NCAM2: variants seen among roughly 807,000 people sequenced by gnomAD.
NCAM2 encodes N-CAM-2.
Under a neutral mutation model 98.1 loss-of-function variants are expected in NCAM2, and 30 were observed. The ratio of observed to expected loss-of-function variants is 0.31; its 90% CI spans 0.23 to 0.41. The LOEUF is 0.41. Among genes scored for constraint, NCAM2 ranks in the 10% least tolerant of loss-of-function variants. The pLI is 1.00. For missense variants in NCAM2, 867 were observed against 1,005.8 expected, an observed-to-expected ratio of 0.86 and a Z score of 1.87; for synonymous variants, 368 against 342.4, an observed-to-expected ratio of 1.07 and a Z score of -0.83.
In NCAM2 at chr21:21,243,423, G is replaced by A. The variant is rs558985813; in HGVS notation, c.56-37155G>A. On this transcript the variant is annotated intron_variant, in intron 1 of 17. Coordinates refer to ENST00000400546, the MANE Select transcript of NCAM2 (RefSeq NM_004540.5). ...AGTTATTACTGATTGAAATGTGTTT[G>A]GTGCTATATTACCCTTTTTGGGGTT... Among the ~76,000 whole-genome samples the A allele has an allele frequency of 8.9e-4, 136 of 152,240 alleles. 1 individual carries two copies. Among genetic ancestry groups the A allele is most frequent in the Non-Finnish European group, 1.6e-3 (111 of 68,020 alleles).
At chr21:21,494,775 TATG>T (rs1438019115) in intron 15 of NCAM2, among the ~76,000 whole-genome samples, 6 of 152,040 alleles carry the variant, frequency 3.9e-5, no homozygotes, top group African/African-American at 1.4e-4. Flanking sequence ...TCAGATATTT[TATG>T]ATTTTTCATG....
chr21:21,001,552 T>C (rs1316490023), intron 1 of NCAM2, among the ~76,000 whole-genome samples: 1 of 152,218 alleles, frequency 6.6e-6, no homozygotes, highest in Non-Finnish European at 1.5e-5. Context: ...GATCTTTGTA[T>C]ATTCAAATTT....
At chr21:21,533,893 A>G (rs967554950) in intron 16 of NCAM2, among the ~76,000 whole-genome samples, 4 of 152,000 alleles carry the variant, frequency 2.6e-5, no homozygotes, top group African/African-American at 7.2e-5. Context: ...GGATGAAGTT[A>G]TAAATGAAAA....
At chr21:21,147,341 C>A in intron 1 of NCAM2, 1 of 942,122 alleles carries the variant, frequency 1.1e-6, no homozygotes. Flanking sequence ...AAAGAAGGGG[C>A]TAGAATCAGT....
At chr21:21,187,440 TCAA>T (rs201062405) in intron 1 of NCAM2, among the ~76,000 whole-genome samples, 5 of 151,090 alleles carry the variant, frequency 3.3e-5, no homozygotes, top group African/African-American at 1.2e-4. Flanking sequence ...TACTTCTCCA[TCAA>T]CAACAACAAC....
intron 5 of NCAM2, among the ~76,000 whole-genome samples, chr21:21,298,468 T>C (rs1395406036): frequency 6.6e-6 from 1 of 151,702 alleles, no homozygotes; most frequent in Non-Finnish European, 1.5e-5. Context: ...TTTTATTAAA[T>C]TTCAAGAATA....
At chr21:21,323,597 C>T (rs1400983906) in intron 5 of NCAM2, among the ~76,000 whole-genome samples, 2 of 152,064 alleles carry the variant, frequency 1.3e-5, no homozygotes, top group African/African-American at 4.8e-5. Context: ...TGAAATTTAG[C>T]TTCTATTGTG....
chr21:21,501,769 G>A (rs1987652995), intron 15 of NCAM2, among the ~76,000 whole-genome samples: 2 of 152,006 alleles, frequency 1.3e-5, no homozygotes, highest in South Asian at 4.2e-4. Flanking sequence ...ATCAAAACAA[G>A]ACTAATTGAC....
rs182066948 is a variant in NCAM2 at position 21,527,396 on chromosome 21, C to T, written c.2283-7141C>T. The stretch of plus-strand genomic sequence containing the variant: ...TTAAAAATTTATGCTCTGCAAAAGA[C>T]ATTGTTAAGTGAATGAAAAGACGAA... On this transcript the variant is annotated intron_variant, in intron 16 of 17. Transcript: ENST00000400546. 8.0e-3 allele frequency among the ~76,000 whole-genome samples: 1,212 copies of T among 152,114 alleles called. 3 individuals carry two copies. The highest frequency in any genetic ancestry group is 0.013 in the Non-Finnish European group (887 of 67,980).
chr21:21,200,467 C>G (rs1213422304), intron 1 of NCAM2, among the ~76,000 whole-genome samples: 1 of 150,018 alleles, frequency 6.7e-6, no homozygotes, highest in Non-Finnish European at 1.5e-5. Context: ...GTTTTACTAG[C>G]TGTTACTTTT....
At position 21,532,941 on chromosome 21, in the gene NCAM2, A is replaced by G. The variant is rs562899012; in HGVS notation, c.2283-1596A>G. 5.9e-5 allele frequency among the ~76,000 whole-genome samples: 9 copies of G among 152,166 alleles called. No homozygotes were observed. In the East Asian group the frequency reaches 1.4e-3, roughly 23 times the overall value. On this transcript the variant is annotated intron_variant, in intron 16 of 17. Coordinates refer to ENST00000400546, the MANE Select transcript of NCAM2 (RefSeq NM_004540.5). ...TACAGACATCTGATTTTCAGAGCTA[A>G]AAAAGTTTATTCACTTCTAGATTTC... is the stretch of plus-strand genomic sequence containing the variant.
intron 1 of NCAM2, among the ~76,000 whole-genome samples, chr21:21,039,656 A>C (rs1289337060): frequency 6.6e-6 from 1 of 152,210 alleles, no homozygotes. Flanking sequence ...TTAATATTTA[A>C]ATAATCATTT....
At chr21:21,484,308 CTTTG>C (rs1224214090) in intron 15 of NCAM2, among the ~76,000 whole-genome samples, 9 of 152,036 alleles carry the variant, frequency 5.9e-5, no homozygotes, top group Non-Finnish European at 1.3e-4. Flanking sequence ...TTGTTAATGA[CTTTG>C]TGTAAATCTT....
Position 21,338,541 on chromosome 21 carries a change from A to G in NCAM2, c.1044+7A>G, listed in dbSNP as rs749415946. The G allele has an allele frequency of 1.3e-6, 2 of 1,594,444 alleles. No homozygotes were observed. The highest frequency in any genetic ancestry group is 1.7e-6 in the Non-Finnish European group (2 of 1,172,556). On this transcript the variant is annotated splice_region_variant and intron_variant, in intron 8 of 17. Transcript: ENST00000400546. ...GTTCACTGAAGGCGATAAGGTAACC[A>G]CATCTCAATATGTAATGGTTTCCAT...
chr21:21,050,536 G>A lies in NCAM2; in HGVS notation c.55+51918G>A, dbSNP rs890470619. On this transcript the variant is annotated intron_variant, in intron 1 of 17. Coordinates refer to ENST00000400546, the MANE Select transcript of NCAM2 (RefSeq NM_004540.5). ...AGTGATGCCAACCCTACTTAGCCTA[G>A]CACTTCAGTTTTAGATGTGTATCAT... is the stretch of plus-strand genomic sequence containing the variant. 2.6e-5 allele frequency among the ~76,000 whole-genome samples: 4 copies of A among 152,100 alleles called. No homozygotes were observed. The East Asian group carries it at 5.8e-4, about 22-fold the overall frequency.
chr21:21,136,062 C>T (rs924237618), intron 1 of NCAM2, among the ~76,000 whole-genome samples: 5 of 152,134 alleles, frequency 3.3e-5, no homozygotes, highest in South Asian at 2.1e-4. Context: ...GTTTATTTAT[C>T]GCTCTGTTTA....
intron 1 of NCAM2, among the ~76,000 whole-genome samples, chr21:21,080,923 C>T (rs533367592): frequency 3.3e-5 from 5 of 152,132 alleles, no homozygotes; most frequent in Non-Finnish European, 4.4e-5. Flanking sequence ...TTTATTAAAA[C>T]GCTTTAGAAC....
At chr21:21,222,018 C>T (rs1029726614) in intron 1 of NCAM2, among the ~76,000 whole-genome samples, 3 of 152,064 alleles carry the variant, frequency 2.0e-5, no homozygotes, top group South Asian at 2.1e-4. Context: ...AAGTCTAATG[C>T]CCTTAAGAAT....
Position 21,287,576 on chromosome 21 carries a change from A to G in NCAM2, c.481+1164A>G, listed in dbSNP as rs539602958. ...GTCCTTTTGTAACGGTGGAATGACA[A>G]TGTCTAAATATTTTCAGACTGTCTA... On this transcript the variant is annotated intron_variant, in intron 4 of 17. Transcript: ENST00000400546. Among the ~76,000 whole-genome samples, 16 of 152,086 alleles carry G rather than the reference A, an allele frequency of 1.1e-4. No homozygotes were observed. The South Asian group carries it at 1.9e-3, about 18-fold the overall frequency.
Sources: gnomAD v4.1 joint callset for allele counts (sites outside exome capture counted in the v4.1 genomes callset) on GRCh38, gnomAD v4.1.1 for gene constraint, MANE v1.5 for transcripts, NCBI Gene and HGNC (gene_info 2026-07-23, HGNC 2026-07-21) for gene names.